The following FUS variants were observed in gnomAD, a reference collection of about 807,000 sequenced individuals.
The protein encoded by FUS is RNA-binding protein FUS.
Under a neutral mutation model 82.7 loss-of-function variants are expected in FUS, and 5 were observed. The observed-to-expected ratio is 0.06, with a 90% CI of 0.03 to 0.13. FUS has a LOEUF of 0.13. FUS is among the 10% of genes least tolerant of loss of function. The pLI is 1.00. For missense variants in FUS, 512 were observed against 707.8 expected (o/e 0.72, Z 3.14); for synonymous variants, 281 against 247.4 (o/e 1.14, Z -1.27).
chr16:31,180,837 T>C (rs1483357336), intron 1 of FUS, among the ~76,000 whole-genome samples: 1 of 152,032 alleles, frequency 6.6e-6, no homozygotes, highest in Non-Finnish European at 1.5e-5. Flanking sequence ...GCCCTCTAGC[T>C]TAACGGTTTG....
At position 31,184,247 on chromosome 16, in the gene FUS, C is replaced by T. The variant is rs2079225517; in HGVS notation, c.374C>T (p.Pro125Leu). 2 of 1,613,928 alleles carry T rather than the reference C, an allele frequency of 1.2e-6. No homozygotes were observed. Among genetic ancestry groups the T allele is most frequent in the Non-Finnish European group, 1.7e-6 (2 of 1,180,006 alleles). ...TCTCAGAGCAGCAGCTATGGGCAGCCCCAGAGTGGGAGCTACAGCCAGCAG... is the reference window on the plus strand; with the variant it reads ...TCTCAGAGCAGCAGCTATGGGCAGCTCCAGAGTGGGAGCTACAGCCAGCAG... ...SSSQSSSYGQ[P>L]QSGSYSQQPS... Residue 125 changes from proline (P) to leucine (L), a missense_variant, in exon 5 of 15, where the codon CCC becomes CTC. Around this residue, in one of 6 missense-constraint regions of FUS, gnomAD observed 276 missense variants for 303.3 expected, o/e 0.91. Coordinates refer to ENST00000254108, the MANE Select transcript of FUS (RefSeq NM_004960.4).
intron 12 of FUS, 77 bp from the exon 13 acceptor site, chr16:31,190,665 T>A (rs2079341198): frequency 7.3e-7 from 1 of 1,378,078 alleles, no homozygotes; most frequent in Admixed American, 1.7e-5. Context: ...ATCTCTAAAG[T>A]CACCGTAGTT....
intron 6 of FUS, chr16:31,185,994 A>G (rs1237179459): frequency 1.3e-5 from 3 of 236,640 alleles, no homozygotes; most frequent in Non-Finnish European, 2.5e-5. Context: ...CTGTTTTTGG[A>G]AAAAGTAGAT....
In FUS at chr16:31,190,054, G is replaced by A. The variant is rs1269125747; in HGVS notation, c.1081G>A (p.Gly361Arg). ...IDWFDGKEFS[G>R]NPIKVSFATR... ...TGTTTCTCTAGGTAAAGAATTCTCC[G>A]GAAATCCTATCAAGGTCTCATTTGC... Residue 361 changes from glycine to arginine, a missense_variant, in exon 11 of 15, where the codon GGA becomes AGA. Physicochemically the swap from Gly to Arg is moderately radical, Grantham distance 125. Coordinates refer to ENST00000254108, the MANE Select transcript of FUS (RefSeq NM_004960.4). 6.2e-7 allele frequency: 1 copy of A among 1,612,924 alleles called. No individual in the cohort carries two copies. Among genetic ancestry groups the A allele is most frequent in the Non-Finnish European group, 8.5e-7 (1 of 1,179,430 alleles).
At chr16:31,192,586 A>T (rs140326191), downstream of FUS, 914 of 492,878 alleles carry the variant, frequency 1.9e-3, 8 homozygotes, top group African/African-American at 0.016. Context: ...TTAGAGACAG[A>T]GTCTTGCTCT....
downstream of FUS, chr16:31,194,512 G>C (rs1199997290): frequency 2.0e-6 from 1 of 499,564 alleles, no homozygotes; most frequent in Non-Finnish European, 3.9e-6. Flanking sequence ...TGCTCAGGCT[G>C]GTCTGGTCTC....
At position 31,183,878 on chromosome 16, in the gene FUS, A is replaced by G. The variant is rs762488475; in HGVS notation, c.211A>G (p.Thr71Ala). The part of the protein sequence containing the change: ...SQNTGYGTQS[T>A]PQGYGSTGGY... Reference sequence around the variant, plus strand: ...GGTAGCAGGCTATGGAACTCAGTCAACTCCCCAGGGATATGGCTCGACTGG... The same window carrying G: ...GGTAGCAGGCTATGGAACTCAGTCAGCTCCCCAGGGATATGGCTCGACTGG... The change falls in exon 4 of 15, where the codon ACT (threonine) becomes GCT (alanine). Residue 71 changes from threonine to alanine, a missense_variant. By Grantham distance (58) the Thr-to-Ala change is moderately conservative. This residue lies in a region of FUS where 276 missense variants were observed against 303.3 expected (regional missense o/e 0.91). Coordinates refer to ENST00000254108, the MANE Select transcript of FUS (RefSeq NM_004960.4). 9.3e-6 allele frequency: 15 copies of G among 1,613,588 alleles called. No homozygotes were observed. The East Asian group carries it at 1.6e-4, about 17-fold the overall frequency.
chr16:31,191,726 A>G (rs1012380931), downstream of FUS: 5 of 658,146 alleles, frequency 7.6e-6, no homozygotes, highest in Non-Finnish European at 1.4e-5. Context: ...GTTCGGGGAG[A>G]AGGCCAAATG....
downstream of FUS, chr16:31,192,858 C>T (rs73530295): frequency 5.6e-3 from 2,723 of 484,614 alleles, 54 homozygotes; most frequent in African/African-American, 0.047. Flanking sequence ...AGGCATGAGC[C>T]GCTGCATCTG....
At position 31,184,477 on chromosome 16, in the gene FUS, T is replaced by A. The variant is rs1403392582; in HGVS notation, c.523+81T>A. 278 of 1,343,802 alleles carry A rather than the reference T, an allele frequency of 2.1e-4. 1 individual carries two copies. Among genetic ancestry groups the A allele is most frequent in the Non-Finnish European group, 2.7e-4 (257 of 969,274 alleles). The allele number at this position is 1,343,802 out of a possible 1,614,324, so 83.2% of individuals were successfully genotyped here. On this transcript the variant is annotated intron_variant, in intron 5 of 14. Transcript: ENST00000254108. ...TTTTGAGACGGAGTCTTGCTCTGTC[T>A]CTGTTGCTGAGGCTGGAGTGCAGTG...
chr16:31,186,747 A>G, intron 6 of FUS, 55 bp from the exon 7 acceptor site: 2 of 1,573,390 alleles, frequency 1.3e-6, no homozygotes, highest in South Asian at 1.1e-5. Context: ...TCAAAAAACA[A>G]CCTTTTGTAG....
At chr16:31,182,964 C>T (rs1290696321) in intron 3 of FUS, 3 of 411,588 alleles carry the variant, frequency 7.3e-6, no homozygotes, top group Non-Finnish European at 1.4e-5. Context: ...CTGCCTTGAC[C>T]TGCCAAAGTG....
chr16:31,194,468 T>C (rs1029256728), downstream of FUS: 1 of 500,922 alleles, frequency 2.0e-6, no homozygotes, highest in African/African-American at 1.9e-5. Flanking sequence ...TAATTTTTTT[T>C]TGTATTTTTT....
In FUS at chr16:31,182,654, G is replaced by A; in HGVS notation, c.180G>A (p.Gln60=). 1 of 1,614,216 alleles carries A rather than the reference G, an allele frequency of 6.2e-7. No homozygotes were observed. The highest frequency in any genetic ancestry group is 8.5e-7 in the Non-Finnish European group (1 of 1,180,032). ...YGQSSYSSYG[Q]SQNTGYGTQS... ...AGAGCAGCTATTCTTCTTATGGCCA[G>A]AGCCAGAACAGTGAGTCTTTCTCAG... Residue 60 remains glutamine, a synonymous_variant, in exon 3 of 15, where the codon CAG becomes CAA. Transcript: ENST00000254108.
At chr16:31,188,780 A>T (rs1349480644) in intron 8 of FUS, 7 of 467,718 alleles carry the variant, frequency 1.5e-5, no homozygotes, top group African/African-American at 1.4e-4. Flanking sequence ...CTAGATTTGA[A>T]TGTAAAATGG....
At chr16:31,183,340 C>G (rs2144105047) in intron 3 of FUS, 1 of 166,426 alleles carries the variant, frequency 6.0e-6, no homozygotes, top group Non-Finnish European at 1.3e-5. Context: ...CATTTATTTT[C>G]TTTGGCTTTT....
downstream of FUS, chr16:31,193,445 A>AGT (rs773773149): frequency 7.6e-6 from 4 of 527,630 alleles, no homozygotes; most frequent in African/African-American, 1.9e-5. Context: ...ATATTTGAGT[A>AGT]GTTCACTGTT....
At chr16:31,184,645 A>G (rs1042604307) in intron 5 of FUS, among the ~76,000 whole-genome samples, 5 of 151,852 alleles carry the variant, frequency 3.3e-5, no homozygotes, top group African/African-American at 9.7e-5. Flanking sequence ...GGGTTTCACC[A>G]TGTTAGCCAG....
At chr16:31,185,657 A>C (rs1173447776) in intron 6 of FUS, 1 of 471,762 alleles carries the variant, frequency 2.1e-6, no homozygotes, top group African/African-American at 2.0e-5. Flanking sequence ...AGTCATTTGA[A>C]TCCACGAGCT....
Sources: allele counts gnomAD v4.1 joint callset (sites outside exome capture counted in the v4.1 genomes callset), GRCh38; gene constraint gnomAD v4.1.1; regional missense constraint gnomAD v4.1.1; transcripts MANE v1.5; gene names NCBI Gene and HGNC (gene_info 2026-07-23, HGNC 2026-07-21).